The following LCOR variants were observed in gnomAD, a reference collection of about 807,000 sequenced individuals.
LCOR encodes the protein ligand-dependent corepressor.
Under a neutral mutation model 64.4 loss-of-function variants are expected in LCOR, and 14 were observed. That is an observed-to-expected ratio of 0.22 (90% CI 0.14 to 0.34). The LOEUF is 0.34. Among genes scored for constraint, LCOR ranks in the 10% least tolerant of loss-of-function variants. LCOR has a pLI of 1.00. For synonymous variants in LCOR, 643 were observed against 642.5 expected (o/e 1.00, Z -0.01); for missense variants, 1,686 against 1,765.3 (o/e 0.96, Z 0.80).
Position 96,945,941 on chromosome 10 carries a change from A to G in LCOR, c.-51+1696A>G, listed in dbSNP as rs538340323. On this transcript the variant is annotated intron_variant, in intron 5 of 7. Coordinates refer to ENST00000421806, the MANE Select transcript of LCOR (RefSeq NM_001346516.2). ...AAGTTTTTCTTTTTTTTTTTTTAAG[A>G]AATTAAACTTTTGGGTTATAACCTT... 4.6e-5 allele frequency among the ~76,000 whole-genome samples: 7 copies of G among 151,442 alleles called. No individual in the cohort carries two copies. The South Asian group carries it at 1.5e-3, about 31-fold the overall frequency.
At chr10:96,840,713 C>A (rs1053791697) in intron 2 of LCOR, among the ~76,000 whole-genome samples, 1 of 152,156 alleles carries the variant, frequency 6.6e-6, no homozygotes, top group Non-Finnish European at 1.5e-5. Flanking sequence ...TTTCTTTAGA[C>A]TTTAAATGTT....
At chr10:96,955,455 G>T in intron 7 of LCOR, 1 of 1,614,164 alleles carries the variant, frequency 6.2e-7, no homozygotes, top group Non-Finnish European at 8.5e-7. Context: ...TAGCTCTTTG[G>T]TAATGGGTTC....
chr10:96,950,785 G>A (rs1273398491), intron 6 of LCOR, among the ~76,000 whole-genome samples: 1 of 152,062 alleles, frequency 6.6e-6, no homozygotes, highest in Non-Finnish European at 1.5e-5. Flanking sequence ...AAAATATGTT[G>A]CCTGTTTGAT....
chr10:96,902,005 A>G (rs1209275548), intron 2 of LCOR, among the ~76,000 whole-genome samples: 3 of 152,086 alleles, frequency 2.0e-5, no homozygotes, highest in Non-Finnish European at 4.4e-5. Flanking sequence ...ACATTTCTTA[A>G]GTTAATTTTC....
At chr10:96,972,161 G>T (rs1848004829) in intron 7 of LCOR, among the ~76,000 whole-genome samples, 4 of 152,048 alleles carry the variant, frequency 2.6e-5, no homozygotes, top group Admixed American at 2.0e-4. Context: ...AAAATTTAGT[G>T]TTACTGCTCA....
At chr10:96,887,833 A>G (rs1846370299) in intron 2 of LCOR, among the ~76,000 whole-genome samples, 2 of 151,316 alleles carry the variant, frequency 1.3e-5, no homozygotes, top group African/African-American at 2.4e-5. Context: ...GGCATTCACC[A>G]CCACACCCAG....
chr10:96,860,878 A>G (rs1374720097), intron 2 of LCOR, among the ~76,000 whole-genome samples: 1 of 152,238 alleles, frequency 6.6e-6, no homozygotes, highest in Non-Finnish European at 1.5e-5. Flanking sequence ...AATAAAGTGA[A>G]ACGCCTACAG....
Position 96,984,797 on chromosome 10 carries a change from C to T in LCOR, c.4337C>T (p.Pro1446Leu), listed in dbSNP as rs1043956589. ...GCTGCAAGGGACAGAAGCAGCCAAC[C>T]CCCCAAAAAGACGTCTTTGAAAGAG... ...RPAARDRSSQPPKKTSLKENK... is the reference protein window; with the variant it reads ...RPAARDRSSQLPKKTSLKENK... Residue 1446 changes from proline to leucine, a missense_variant, in exon 8 of 8, where the codon CCC (proline) becomes CTC (leucine). Coordinates refer to ENST00000421806, the MANE Select transcript of LCOR (RefSeq NM_001346516.2). The T allele has an allele frequency of 1.9e-6, 3 of 1,614,086 alleles. No homozygotes were observed. The highest frequency in any genetic ancestry group is 2.2e-5 in the South Asian group (2 of 91,084).
At chr10:96,868,491 G>T (rs1375144236) in intron 2 of LCOR, among the ~76,000 whole-genome samples, 1 of 150,540 alleles carries the variant, frequency 6.6e-6, no homozygotes, top group Non-Finnish European at 1.5e-5. Flanking sequence ...AGCCAGGCTG[G>T]TCTCAAACTC....
chr10:96,868,658 C>T (rs760638713), intron 2 of LCOR, among the ~76,000 whole-genome samples: 3 of 152,118 alleles, frequency 2.0e-5, no homozygotes, highest in Non-Finnish European at 4.4e-5. Flanking sequence ...GTCAGAAAAA[C>T]CTAGTCTAAC....
chr10:96,838,230 C>G (rs1026855419), intron 2 of LCOR, among the ~76,000 whole-genome samples: 1 of 152,090 alleles, frequency 6.6e-6, no homozygotes, highest in African/African-American at 2.4e-5. Flanking sequence ...TAGTGGGTTT[C>G]AGTTATTTCA....
chr10:96,873,977 C>T (rs1415551592), intron 2 of LCOR, among the ~76,000 whole-genome samples: 2 of 152,044 alleles, frequency 1.3e-5, no homozygotes, highest in Non-Finnish European at 2.9e-5. Flanking sequence ...TCGCCAAGCT[C>T]TCTTGCTTGT....
intron 2 of LCOR, among the ~76,000 whole-genome samples, chr10:96,896,156 G>A (rs184539401): frequency 4.6e-5 from 7 of 152,186 alleles, no homozygotes; most frequent in Admixed American, 4.6e-4. Context: ...TGTCTTCGCT[G>A]CTTTGTACAG....
chr10:96,904,233 CT>C (rs1178101980), intron 2 of LCOR, among the ~76,000 whole-genome samples: 1 of 152,062 alleles, frequency 6.6e-6, no homozygotes, highest in Non-Finnish European at 1.5e-5. Flanking sequence ...GAAGAGTTAT[CT>C]TGAAGGAGAG....
intron 2 of LCOR, among the ~76,000 whole-genome samples, chr10:96,881,204 C>G (rs1410549934): frequency 6.6e-6 from 1 of 152,130 alleles, no homozygotes; most frequent in African/African-American, 2.4e-5. Context: ...ATCCCAGCCT[C>G]TCTCCTTTGG....
Position 96,957,523 on chromosome 10 carries a change from G to A in LCOR, c.332+5327G>A, listed in dbSNP as rs369823910. The A allele has an allele frequency of 8.1e-6, 8 of 985,338 alleles. No homozygotes were observed. The East Asian group carries it at 5.7e-4, about 70-fold the overall frequency. 61.0% of individuals were successfully genotyped at this position (985,338 alleles called of 1,614,324 possible). On this transcript the variant is annotated intron_variant, in intron 7 of 7. Transcript: ENST00000421806. ...CTGTATATTCTAATCTGCTGAGAAA[G>A]GTGGTCAGGCCCTTCTAAATGCTTA...
intron 6 of LCOR, among the ~76,000 whole-genome samples, chr10:96,950,904 A>T (rs984548921): frequency 4.6e-5 from 7 of 152,176 alleles, no homozygotes; most frequent in South Asian, 2.1e-4. Context: ...TTAGATGTCT[A>T]ATAGGATAAT....
chr10:96,832,890 GGGCGCGCCCCCGGGTCTGCGTGCACGCGC>G (rs1339538991), intron 1 of LCOR: 1 of 714,672 alleles, frequency 1.4e-6, no homozygotes, highest in Non-Finnish European at 1.7e-6. Context: ...CCCACGCGCG[GGGCGCGCCCCCGGGTCTGCGTGCACGCGC>G]GGCGGGCTGC....
At position 96,952,152 on chromosome 10, in the gene LCOR, T is replaced by G. The variant is rs1378565194; in HGVS notation, c.288T>G (p.Thr96=). ...AGAAAAGTCCATGTGCTGGCAGCAC[T>G]TCCCTGAGCCACTCTCCAGGCTGCT... ...STKKSPCAGS[T]SLSHSPGCSS... The change falls in exon 7 of 8, where the codon ACT becomes ACG. Residue 96 remains threonine (T), a synonymous_variant. Transcript: ENST00000421806. The G allele has an allele frequency of 6.2e-6, 10 of 1,613,974 alleles. No individual in the cohort carries two copies. The highest frequency in any genetic ancestry group is 8.5e-6 in the Non-Finnish European group (10 of 1,179,960).
Sources: gnomAD v4.1 joint callset for allele counts (sites outside exome capture counted in the v4.1 genomes callset) on GRCh38, gnomAD v4.1.1 for gene constraint, MANE v1.5 for transcripts, NCBI Gene and HGNC (gene_info 2026-07-23, HGNC 2026-07-21) for gene names.